ANKFN1: variants seen among roughly 807,000 people sequenced by gnomAD.
ANKFN1 encodes the protein ankyrin repeat and fibronectin type III domain containing 1, also known as ankyrin repeat and fibronectin type-III domain-containing protein 1.
ANKFN1 carries 74 observed loss-of-function variants against 108.7 expected under a neutral mutation model. The observed-to-expected ratio is 0.68, with a 90% confidence interval of 0.56 to 0.83. The LOEUF (loss-of-function observed/expected upper bound fraction) is 0.83, where lower values mean the gene tolerates loss of function less well. ANKFN1 is among the 40% of genes least tolerant of loss of function. ANKFN1 has a pLI of 0.00. For synonymous variants in ANKFN1, 547 were observed against 516.2 expected (o/e 1.06, Z -0.81); for missense variants, 1,505 against 1,382.3 (o/e 1.09, Z -1.41).
intron 8 of ANKFN1, among the ~76,000 whole-genome samples, chr17:56,432,667 C>G (rs982875500): frequency 7.9e-5 from 12 of 152,190 alleles, no homozygotes; most frequent in Non-Finnish European, 1.5e-4. Flanking sequence ...ATGCAGGGAA[C>G]CTGGACTCTT....
At chr17:56,476,744 T>A (rs1390234297) in intron 15 of ANKFN1, among the ~76,000 whole-genome samples, 2 of 152,172 alleles carry the variant, frequency 1.3e-5, no homozygotes, top group African/African-American at 4.8e-5. Flanking sequence ...TGGAAAAAAA[T>A]GTGAAGACTT....
intron 1 of ANKFN1, among the ~76,000 whole-genome samples, chr17:56,193,514 T>A (rs1913201835): frequency 6.6e-6 from 1 of 151,216 alleles, no homozygotes; most frequent in African/African-American, 2.4e-5. Flanking sequence ...CATAATTTAT[T>A]TGTAGCGTTT....
chr17:56,110,785 A>G (rs547680090), intron 4 of ANKFN1, among the ~76,000 whole-genome samples: 6 of 152,226 alleles, frequency 3.9e-5, no homozygotes, highest in Non-Finnish European at 7.3e-5. Flanking sequence ...AAAGTTGGAA[A>G]AAGTCCTAAC....
chr17:56,063,174 C>G (rs1905005711), intron 4 of ANKFN1, among the ~76,000 whole-genome samples: 2 of 151,978 alleles, frequency 1.3e-5, no homozygotes, highest in Admixed American at 6.6e-5. Flanking sequence ...CTCAGGCTGC[C>G]CTTAACATTT....
At chr17:56,274,739 A>G (rs115204116) in intron 3 of ANKFN1, among the ~76,000 whole-genome samples, 2,767 of 152,214 alleles carry the variant, frequency 0.018, 96 homozygotes, top group African/African-American at 0.062. Flanking sequence ...GGTTTTTTGC[A>G]TACAGCTGTG....
chr17:56,091,446 A>G (rs1272851470), intron 4 of ANKFN1, among the ~76,000 whole-genome samples: 1 of 150,542 alleles, frequency 6.6e-6, no homozygotes, highest in African/African-American at 2.4e-5. Flanking sequence ...ACACACACAC[A>G]CACACACACA....
intron 3 of ANKFN1, among the ~76,000 whole-genome samples, chr17:56,291,886 A>C (rs1262577288): frequency 6.6e-6 from 1 of 152,232 alleles, no homozygotes; most frequent in African/African-American, 2.4e-5. Flanking sequence ...TTTAACAAAG[A>C]ACCAGGAATT....
At chr17:56,053,317 C>G (rs59112167) in intron 4 of ANKFN1, among the ~76,000 whole-genome samples, 1,868 of 152,240 alleles carry the variant, frequency 0.012, 37 homozygotes, top group African/African-American at 0.042. Context: ...TTCCCAGCCT[C>G]TGGTAACTAT....
intron 1 of ANKFN1, among the ~76,000 whole-genome samples, chr17:56,164,984 T>G (rs768489229): frequency 2.0e-5 from 3 of 152,258 alleles, no homozygotes; most frequent in Non-Finnish European, 4.4e-5. Context: ...CCCCATCATT[T>G]GCTAGTTAGG....
chr17:56,126,809 CT>C (rs1329430330), intron 4 of ANKFN1, among the ~76,000 whole-genome samples: 6 of 152,118 alleles, frequency 3.9e-5, no homozygotes, highest in Admixed American at 3.9e-4. Context: ...AAGATTGGTC[CT>C]GATGAAAGCA....
chr17:56,467,295 T>C (rs1184612204), intron 15 of ANKFN1, among the ~76,000 whole-genome samples: 2 of 152,128 alleles, frequency 1.3e-5, no homozygotes, highest in Non-Finnish European at 2.9e-5. Context: ...GGTGTGTATG[T>C]ACAAAAACAC....
chr17:56,316,127 G>T (rs1454773974), intron 3 of ANKFN1, among the ~76,000 whole-genome samples: 1 of 152,118 alleles, frequency 6.6e-6, no homozygotes, highest in East Asian at 1.9e-4. Flanking sequence ...AATTTTAATG[G>T]GTAAAGTGGC....
At chr17:56,471,563 T>C (rs947605291) in intron 15 of ANKFN1, 4 of 152,168 alleles carry the variant, frequency 2.6e-5, no homozygotes, top group African/African-American at 4.8e-5. Flanking sequence ...TAGGAAACAA[T>C]TGGGTTCATG....
intron 3 of ANKFN1, among the ~76,000 whole-genome samples, chr17:56,249,518 A>G (rs1363310992): frequency 6.6e-6 from 1 of 152,214 alleles, no homozygotes; most frequent in Non-Finnish European, 1.5e-5. Context: ...AGGATTATTC[A>G]TAGGACTTGA....
At chr17:56,131,355 A>G (rs1461456532) in intron 4 of ANKFN1, among the ~76,000 whole-genome samples, 1 of 152,232 alleles carries the variant, frequency 6.6e-6, no homozygotes, top group African/African-American at 2.4e-5. Flanking sequence ...ATAACCCATT[A>G]CTACATATAG....
Position 56,249,002 on chromosome 17 carries a change from A to T in ANKFN1, c.53+21045A>T, listed in dbSNP as rs72833817. 3.6e-3 allele frequency among the ~76,000 whole-genome samples: 550 copies of T among 152,330 alleles called. 4 individuals are homozygous for T. The highest frequency in any genetic ancestry group is 6.5e-3 in the Non-Finnish European group (444 of 68,032). ...GGGAGGTGGTGAGGAGAACACTGTC[A>T]TGTGGAAACAGCTTAGAATAGCGCT... On this transcript the variant is annotated intron_variant, in intron 3 of 20. Transcript: ENST00000682825.
intron 4 of ANKFN1, among the ~76,000 whole-genome samples, chr17:56,121,160 T>C (rs1417745403): frequency 6.6e-6 from 1 of 152,002 alleles, no homozygotes; most frequent in Non-Finnish European, 1.5e-5. Context: ...CTTTTTAATG[T>C]CTTCCTGCTT....
chr17:56,378,663 G>A (rs1251691142), intron 8 of ANKFN1, among the ~76,000 whole-genome samples: 1 of 152,210 alleles, frequency 6.6e-6, no homozygotes, highest in Non-Finnish European at 1.5e-5. Flanking sequence ...AGAGAGGTGG[G>A]GAGGAGGCCA....
rs2051066081 is a variant in ANKFN1 at position 56,492,308 on chromosome 17, TGCAGC to T, written c.2383_2387del (p.Ala795CysfsTer17). The T allele has an allele frequency of 1.4e-6, 1 of 702,492 alleles. No individual in the cohort carries two copies. Among genetic ancestry groups the T allele is most frequent in the Non-Finnish European group, 2.6e-6 (1 of 384,730 alleles). The allele number at this position is 702,492 out of a possible 1,614,324, so 43.5% of individuals were successfully genotyped here. On this transcript the variant is annotated frameshift_variant, in exon 19 of 21. Coordinates refer to ENST00000682825, the MANE Select transcript of ANKFN1 (RefSeq NM_001370326.1). LOFTEE classifies it high-confidence loss of function. Reference sequence around the variant, plus strand: ...GGGAAGCAATCTCAGACAGCGAGGTTGCAGCTGCCAAACAAAGACACCAGCAAGTT... The same window carrying T: ...GGGAAGCAATCTCAGACAGCGAGGTTTGCCAAACAAAGACACCAGCAAGTT...
Sources: gnomAD v4.1 joint callset for allele counts (sites outside exome capture counted in the v4.1 genomes callset) on GRCh38, gnomAD v4.1.1 for gene constraint, MANE v1.5 for transcripts, NCBI Gene and HGNC (gene_info 2026-07-23, HGNC 2026-07-21) for gene names.